XKR6: variants seen among roughly 807,000 people sequenced by gnomAD.
XKR6 encodes XK-related protein 6.
A neutral mutation model predicts 56.7 loss-of-function variants in XKR6; 22 were observed. That is an observed-to-expected ratio of 0.39 (90% CI 0.28 to 0.55). The LOEUF (loss-of-function observed/expected upper bound fraction) is 0.55. Among genes scored for constraint, XKR6 ranks in the 20% least tolerant of loss-of-function variants. XKR6 has a pLI of 0.66. For synonymous variants in XKR6, 524 were observed against 387.8 expected, an observed-to-expected ratio of 1.35 and a Z score of -4.13; for missense variants, 852 against 889.0, an observed-to-expected ratio of 0.96 and a Z score of 0.53.
chr8:10,917,072 C>CTT (rs35887024), intron 2 of XKR6, among the ~76,000 whole-genome samples: 32 of 143,844 alleles, frequency 2.2e-4, no homozygotes, highest in African/African-American at 7.1e-4. Flanking sequence ...AGCAAAGATG[C>CTT]TTTTTTTTTT....
chr8:11,039,365 C>T (rs551313470), intron 1 of XKR6, among the ~76,000 whole-genome samples: 1 of 152,332 alleles, frequency 6.6e-6, no homozygotes, highest in East Asian at 1.9e-4. Context: ...AGCCCTGGAA[C>T]AGAAGGCTCT....
At chr8:11,105,304 G>T (rs1363526391) in intron 1 of XKR6, 2 of 152,178 alleles carry the variant, frequency 1.3e-5, no homozygotes, top group African/African-American at 2.4e-5. Context: ...TTAGAGAAAA[G>T]GACATGAAGG....
chr8:11,025,302 C>T (rs1249142714), intron 1 of XKR6, among the ~76,000 whole-genome samples: 1 of 152,212 alleles, frequency 6.6e-6, no homozygotes, highest in African/African-American at 2.4e-5. Flanking sequence ...TGCCTTTCAA[C>T]ACATTTTTAC....
intron 1 of XKR6, among the ~76,000 whole-genome samples, chr8:11,132,951 T>TA (rs1563161910): frequency 6.6e-6 from 1 of 151,132 alleles, no homozygotes; most frequent in Non-Finnish European, 1.5e-5. Flanking sequence ...AAGATACAAG[T>TA]AAAAAAGAAG....
intron 1 of XKR6, among the ~76,000 whole-genome samples, chr8:10,951,362 G>A (rs966357063): frequency 9.9e-5 from 15 of 151,624 alleles, no homozygotes; most frequent in African/African-American, 2.9e-4. Context: ...AAGGTGCTGA[G>A]CGACGCATGG....
At position 10,897,957 on chromosome 8, in the gene XKR6, G is replaced by A; in HGVS notation, c.1921C>T (p.Leu641Phe). ...TCAACTTGGTCAAGATGCTCTTAGA[G>A]TGAAGACTCATACTGTAGCAACTCA... Reference protein sequence around the residue: ...LYELLQYESSL With the variant: ...LYELLQYESSF The change falls in exon 3 of 3, where the codon CTC becomes TTC. Residue 641 changes from leucine to phenylalanine, a missense_variant. Physicochemically the swap from Leu to Phe is conservative, Grantham distance 22 (BLOSUM62 0). Coordinates refer to ENST00000416569, the MANE Select transcript of XKR6 (RefSeq NM_173683.4). 1 of 1,569,500 alleles carries A rather than the reference G, an allele frequency of 6.4e-7. No individual in the cohort carries two copies. Among genetic ancestry groups the A allele is most frequent in the Non-Finnish European group, 8.6e-7 (1 of 1,159,002 alleles).
intron 1 of XKR6, among the ~76,000 whole-genome samples, chr8:11,154,095 T>C (rs183986619): frequency 3.3e-5 from 5 of 152,324 alleles, no homozygotes; most frequent in African/African-American, 1.2e-4. Context: ...GGAGGTAATC[T>C]GTGTCATAAC....
At chr8:11,180,872 A>G (rs1450279988) in intron 1 of XKR6, among the ~76,000 whole-genome samples, 1 of 152,220 alleles carries the variant, frequency 6.6e-6, no homozygotes, top group Non-Finnish European at 1.5e-5. Context: ...ATGTTATTGC[A>G]CTACAGCCTG....
intron 2 of XKR6, among the ~76,000 whole-genome samples, chr8:10,918,535 G>C (rs80128215): frequency 6.6e-6 from 1 of 152,130 alleles, no homozygotes; most frequent in African/African-American, 2.4e-5. Flanking sequence ...TGCAGAATCC[G>C]CACAGATTTA....
intron 1 of XKR6, among the ~76,000 whole-genome samples, chr8:11,110,041 C>T (rs1203196651): frequency 6.6e-6 from 1 of 152,122 alleles, no homozygotes; most frequent in Admixed American, 6.6e-5. Context: ...GACACAATCT[C>T]GGCTTACTGC....
At chr8:11,173,140 C>T (rs1209765388) in intron 1 of XKR6, among the ~76,000 whole-genome samples, 1 of 151,126 alleles carries the variant, frequency 6.6e-6, no homozygotes, top group Non-Finnish European at 1.5e-5. Flanking sequence ...TCGAGACCAT[C>T]CTGGCTAACA....
At chr8:11,085,565 G>C (rs946607601) in intron 1 of XKR6, among the ~76,000 whole-genome samples, 1 of 152,284 alleles carries the variant, frequency 6.6e-6, no homozygotes, top group East Asian at 1.9e-4. Flanking sequence ...CAGGAGAATG[G>C]GGAGTGGGCA....
chr8:10,916,148 G>C (rs1330982793), intron 2 of XKR6, among the ~76,000 whole-genome samples: 1 of 152,256 alleles, frequency 6.6e-6, no homozygotes, highest in African/African-American at 2.4e-5. Flanking sequence ...GCACTGGCAA[G>C]GGGCCAGGAC....
intron 1 of XKR6, among the ~76,000 whole-genome samples, chr8:11,008,905 C>T (rs1798436869): frequency 6.6e-6 from 1 of 152,172 alleles, no homozygotes; most frequent in African/African-American, 2.4e-5. Context: ...TCCCATCACC[C>T]TCTACCAAGG....
At chr8:11,083,901 A>G (rs969813937) in intron 1 of XKR6, among the ~76,000 whole-genome samples, 5 of 152,190 alleles carry the variant, frequency 3.3e-5, no homozygotes, top group African/African-American at 7.2e-5. Flanking sequence ...AGTTCTTGAG[A>G]CAGATTGTAA....
chr8:11,043,447 C>G (rs1439437695), intron 1 of XKR6, among the ~76,000 whole-genome samples: 1 of 152,204 alleles, frequency 6.6e-6, no homozygotes, highest in South Asian at 2.1e-4. Flanking sequence ...TCCTCCTTTA[C>G]CTACCCAGGA....
intron 1 of XKR6, among the ~76,000 whole-genome samples, chr8:11,034,971 G>T (rs1328282416): frequency 6.6e-6 from 1 of 152,198 alleles, no homozygotes; most frequent in African/African-American, 2.4e-5. Context: ...AGGGATGTGG[G>T]ACTGCCAGAC....
chr8:10,964,282 GCTTCTAGGACAC>G (rs1263891099), intron 1 of XKR6, among the ~76,000 whole-genome samples: 7 of 152,268 alleles, frequency 4.6e-5, no homozygotes, highest in Admixed American at 3.9e-4. Context: ...CTTCCCTGGG[GCTTCTAGGACAC>G]CTTCTAGGAC....
intron 1 of XKR6, among the ~76,000 whole-genome samples, chr8:11,075,793 A>T (rs1267279664): frequency 2.0e-5 from 3 of 152,124 alleles, no homozygotes; most frequent in Non-Finnish European, 4.4e-5. Context: ...GAATCACTTG[A>T]ACCTGGGGGG....
Sources: allele counts gnomAD v4.1 joint callset (sites outside exome capture counted in the v4.1 genomes callset), GRCh38; gene constraint gnomAD v4.1.1; transcripts MANE v1.5; gene names NCBI Gene and HGNC (gene_info 2026-07-23, HGNC 2026-07-21).